TTC28: variants seen among roughly 807,000 people sequenced by gnomAD.
TTC28 encodes tetratricopeptide repeat domain 28.
In TTC28, 61 loss-of-function variants were observed where a neutral mutation model predicts 198.0. The observed-to-expected ratio is 0.31, with a 90% CI of 0.25 to 0.38. TTC28 has a LOEUF of 0.38. Among genes scored for constraint, TTC28 ranks in the 10% least tolerant of loss-of-function variants. The pLI is 1.00. For missense variants in TTC28, 2,678 were observed against 3,164.0 expected (o/e 0.85, Z 3.69); for synonymous variants, 1,171 against 1,297.8 (o/e 0.90, Z 2.10).
intron 2 of TTC28, among the ~76,000 whole-genome samples, chr22:28,422,374 TTTAAAACTTCAAGTACCTCTAAA>T (rs1358483415): frequency 6.6e-6 from 1 of 152,198 alleles, no homozygotes; most frequent in Non-Finnish European, 1.5e-5. Context: ...TCACTTGTGA[TTTAAAACTTCAAGTACCTCTAAA>T]TTCTACACAG....
chr22:28,101,160 G>A lies in TTC28; in HGVS notation c.3417+11C>T. 2 of 1,541,872 alleles carry A rather than the reference G, an allele frequency of 1.3e-6. No individual in the cohort carries two copies. Among genetic ancestry groups the A allele is most frequent in the Non-Finnish European group, 1.8e-6 (2 of 1,139,510 alleles). On this transcript the variant is annotated intron_variant, in intron 9 of 22. Transcript: ENST00000397906. ...AACAAAAAATCCACTTCAGTCAGGGGTTCTGCTTACCTGGTGTTGGGCCTC... is the reference window on the plus strand; with the variant it reads ...AACAAAAAATCCACTTCAGTCAGGGATTCTGCTTACCTGGTGTTGGGCCTC...
At chr22:28,189,205 G>A (rs1924492467) in intron 5 of TTC28, among the ~76,000 whole-genome samples, 1 of 152,098 alleles carries the variant, frequency 6.6e-6, no homozygotes, top group Non-Finnish European at 1.5e-5. Context: ...ACATATGTAT[G>A]TAAAGTCTTC....
At chr22:28,419,407 C>T (rs766406013) in intron 2 of TTC28, among the ~76,000 whole-genome samples, 1 of 152,172 alleles carries the variant, frequency 6.6e-6, no homozygotes, top group Non-Finnish European at 1.5e-5. Context: ...AAGAAGTTAA[C>T]CTCTTTAATA....
At chr22:27,993,183 A>G in intron 18 of TTC28, 104 bp downstream of exon 18, 1 of 1,071,664 alleles carries the variant, frequency 9.3e-7, no homozygotes, top group Non-Finnish European at 1.3e-6. Context: ...TCCTGCTCCT[A>G]GCTGGGAGAT....
intron 3 of TTC28, among the ~76,000 whole-genome samples, chr22:28,303,049 A>C (rs372591421): frequency 6.6e-6 from 1 of 152,246 alleles, no homozygotes; most frequent in South Asian, 2.1e-4. Context: ...TGGTGGAAAC[A>C]ACACAACAGG....
intron 12 of TTC28, among the ~76,000 whole-genome samples, chr22:28,066,298 GT>G (rs1246640107): frequency 2.0e-5 from 3 of 150,948 alleles, no homozygotes; most frequent in Non-Finnish European, 2.9e-5. Context: ...GTGTGTGTGT[GT>G]GTGTGGTGTG....
At chr22:28,309,238 A>C in intron 2 of TTC28, among the ~76,000 whole-genome samples, 1 of 152,244 alleles carries the variant, frequency 6.6e-6, no homozygotes, top group East Asian at 1.9e-4. Context: ...GAGTCCAATA[A>C]ATATTTTAAA....
chr22:28,086,049 C>T (rs1371925285), intron 12 of TTC28, among the ~76,000 whole-genome samples: 2 of 152,086 alleles, frequency 1.3e-5, no homozygotes, highest in Non-Finnish European at 2.9e-5. Context: ...CTTAGACTCC[C>T]ACACAATAAT....
intron 5 of TTC28, among the ~76,000 whole-genome samples, chr22:28,207,072 T>A (rs1926469737): frequency 6.6e-6 from 1 of 152,084 alleles, no homozygotes; most frequent in South Asian, 2.1e-4. Context: ...AAATGACATT[T>A]AGATTGTCCC....
intron 5 of TTC28, among the ~76,000 whole-genome samples, chr22:28,193,813 C>G (rs1006570583): frequency 2.0e-5 from 3 of 152,146 alleles, no homozygotes; most frequent in African/African-American, 7.2e-5. Context: ...TACCAAGAGA[C>G]TTAGACTCCC....
At chr22:28,489,575 T>G (rs1420138147) in intron 2 of TTC28, among the ~76,000 whole-genome samples, 1 of 152,140 alleles carries the variant, frequency 6.6e-6, no homozygotes, top group African/African-American at 2.4e-5. Flanking sequence ...CAGTAGGATA[T>G]TTTTCTTAGA....
intron 5 of TTC28, among the ~76,000 whole-genome samples, chr22:28,215,908 A>G (rs947956871): frequency 6.6e-6 from 1 of 152,250 alleles, no homozygotes; most frequent in Non-Finnish European, 1.5e-5. Context: ...GAAAAAAGCC[A>G]TATTTGCACA....
At chr22:28,489,277 C>A (rs1480305036) in intron 2 of TTC28, among the ~76,000 whole-genome samples, 1 of 140,178 alleles carries the variant, frequency 7.1e-6, no homozygotes, top group Admixed American at 7.5e-5. Context: ...GAGCAAGATC[C>A]TATCTCTAAA....
intron 19 of TTC28, 196 bp downstream of exon 19, chr22:27,992,391 G>A (rs138644): frequency 0.32 from 193,673 of 609,866 alleles, 31,564 homozygotes; most frequent in African/African-American, 0.39. Context: ...CCTTGGCATC[G>A]CAGATGGAAA....
intron 2 of TTC28, among the ~76,000 whole-genome samples, chr22:28,408,285 T>C (rs2047030122): frequency 6.6e-6 from 1 of 152,210 alleles, no homozygotes; most frequent in Middle Eastern, 3.2e-3. Flanking sequence ...TTGAACCATG[T>C]GTCTTCTAAA....
chr22:28,643,915 T>C (rs553216959), intron 1 of TTC28, among the ~76,000 whole-genome samples: 232 of 152,306 alleles, frequency 1.5e-3, no homozygotes, highest in Non-Finnish European at 2.4e-3. Flanking sequence ...TAGGTACTAT[T>C]ATTATCTCTA....
chr22:28,221,876 T>C (rs1927897509), intron 5 of TTC28, among the ~76,000 whole-genome samples: 1 of 152,194 alleles, frequency 6.6e-6, no homozygotes, highest in Non-Finnish European at 1.5e-5. Context: ...TAACAGACTA[T>C]GAATATGAGA....
chr22:28,416,090 C>T (rs1224785788), intron 2 of TTC28, among the ~76,000 whole-genome samples: 2 of 152,128 alleles, frequency 1.3e-5, no homozygotes, highest in African/African-American at 4.8e-5. Context: ...CTAAAACTTT[C>T]CCTATCTATT....
At chr22:28,661,615 GT>G (rs1048035798) in intron 1 of TTC28, among the ~76,000 whole-genome samples, 12 of 143,842 alleles carry the variant, frequency 8.3e-5, no homozygotes, top group Admixed American at 1.4e-4. Context: ...AGATAGTTTT[GT>G]TTTTTTTTTT....
Sources: allele counts gnomAD v4.1 joint callset (sites outside exome capture counted in the v4.1 genomes callset), GRCh38; gene constraint gnomAD v4.1.1; transcripts MANE v1.5; gene names NCBI Gene and HGNC (gene_info 2026-07-23, HGNC 2026-07-21).